Variants in HS6ST2 observed in about 807,000 individuals in gnomAD.
HS6ST2 encodes the protein heparan-sulfate 6-O-sulfotransferase 2.
Under a neutral mutation model 33.0 loss-of-function variants are expected in HS6ST2, and 17 were observed. The ratio of observed to expected loss-of-function variants is 0.52; its 90% CI spans 0.35 to 0.77. HS6ST2 has a LOEUF of 0.77. HS6ST2 is among the 30% of genes least tolerant of loss of function. HS6ST2 has a pLI of 0.01. For synonymous variants in HS6ST2, 248 were observed against 237.1 expected (o/e 1.05, Z -0.42); for missense variants, 519 against 551.7 (o/e 0.94, Z 0.59).
intron 2 of HS6ST2, among the ~76,000 whole-genome samples, chrX:132,728,070 T>C: frequency 8.9e-6 from 1 of 112,119 alleles, no homozygotes; most frequent in Admixed American, 9.4e-5. Context: ...TTGTTTTCAT[T>C]TTTTCACTAT....
chrX:132,917,405 T>A (rs1367917233), intron 2 of HS6ST2, among the ~76,000 whole-genome samples: 3 of 110,180 alleles, frequency 2.7e-5, no homozygotes, highest in Non-Finnish European at 5.7e-5. Context: ...TTGAGACCAG[T>A]TTGGCCAACA....
chrX:132,874,292 T>A (rs1213084017), intron 2 of HS6ST2, among the ~76,000 whole-genome samples: 1 of 112,739 alleles, frequency 8.9e-6, no homozygotes, highest in East Asian at 2.8e-4. Context: ...TTAAAACACC[T>A]TCCGGCTGGG....
At chrX:132,882,572 C>A (rs1474386696) in intron 2 of HS6ST2, among the ~76,000 whole-genome samples, 1 of 105,948 alleles carries the variant, frequency 9.4e-6, no homozygotes, top group African/African-American at 3.5e-5. Flanking sequence ...CATCTGCAAA[C>A]AGGGACAATT....
At chrX:132,750,222 C>T (rs1449326175) in intron 2 of HS6ST2, among the ~76,000 whole-genome samples, 1 of 110,324 alleles carries the variant, frequency 9.1e-6, no homozygotes, top group East Asian at 2.9e-4. Context: ...TTGTAACATT[C>T]TTCTCCAATT....
chrX:132,628,133 C>G lies in HS6ST2; in HGVS notation c.*90G>C. On this transcript the variant is annotated 3_prime_UTR_variant, in exon 5 of 5. Coordinates refer to ENST00000370833, the MANE Select transcript of HS6ST2 (RefSeq NM_001394073.1). ...TTTAAAACTTCCCCAATGAAGGAAG[C>G]AGGATGTGTTTGGACACTTTCATCT... The G allele has an allele frequency of 1.5e-6, 1 of 671,417 alleles. No homozygotes were observed. The highest frequency in any genetic ancestry group is 3.2e-5 in the South Asian group (1 of 31,458). The allele number at this position is 671,417 out of a possible 1,213,427, so 55.3% of individuals were successfully genotyped here. A position where few individuals can be genotyped will look rare whatever the true frequency, so the allele number is the denominator to read the frequency against.
At chrX:132,900,707 A>G (rs926468560) in intron 2 of HS6ST2, among the ~76,000 whole-genome samples, 4 of 111,282 alleles carry the variant, frequency 3.6e-5, no homozygotes, top group Non-Finnish European at 7.5e-5. Flanking sequence ...AAAATGGTAT[A>G]TTATTATTTC....
intron 2 of HS6ST2, among the ~76,000 whole-genome samples, chrX:132,807,180 T>C (rs180882464): frequency 1.8e-5 from 2 of 110,081 alleles, no homozygotes; most frequent in African/African-American, 3.3e-5. Context: ...TCCTTACCAC[T>C]CTCTATAGAA....
intron 2 of HS6ST2, among the ~76,000 whole-genome samples, chrX:132,887,056 A>C (rs1209321033): frequency 1.8e-5 from 2 of 110,062 alleles, no homozygotes; most frequent in Non-Finnish European, 3.8e-5. Flanking sequence ...AATTGCTTGA[A>C]CCTGGGAACA....
intron 2 of HS6ST2, among the ~76,000 whole-genome samples, chrX:132,812,624 A>G (rs1353236700): frequency 9.3e-6 from 1 of 107,661 alleles, no homozygotes; most frequent in African/African-American, 3.4e-5. Context: ...CCCACATTTA[A>G]ATAAAGTAGG....
chrX:132,944,898 A>C (rs2066930965), intron 2 of HS6ST2, among the ~76,000 whole-genome samples: 1 of 111,656 alleles, frequency 9.0e-6, no homozygotes, highest in Non-Finnish European at 1.9e-5. Context: ...AACCATAAAA[A>C]CCCTAGAAGA....
At chrX:132,711,716 C>G (rs1388700865) in intron 2 of HS6ST2, among the ~76,000 whole-genome samples, 1 of 111,892 alleles carries the variant, frequency 8.9e-6, no homozygotes, top group African/African-American at 3.2e-5. Context: ...TCATAATGGC[C>G]AAATTTAAAT....
At chrX:132,721,295 A>T (rs894876204) in intron 2 of HS6ST2, among the ~76,000 whole-genome samples, 2 of 112,252 alleles carry the variant, frequency 1.8e-5, no homozygotes, top group African/African-American at 6.5e-5. Flanking sequence ...AACTACAAAA[A>T]TATATAAAAA....
In HS6ST2 at chrX:132,675,391, G is replaced by A. The variant is rs777583463; in HGVS notation, c.981-6192C>T. ...CCACTCTATGAGGATTTACAACTGC[G>A]TTACAAAGACTTGTATGCCAGAGGT... On this transcript the variant is annotated intron_variant, in intron 3 of 4. Coordinates refer to ENST00000370833, the MANE Select transcript of HS6ST2 (RefSeq NM_001394073.1). Among the ~76,000 whole-genome samples, 8 of 111,917 alleles carry A rather than the reference G, an allele frequency of 7.1e-5. No homozygotes were observed. The South Asian group carries it at 1.5e-3, about 21-fold the overall frequency.
At chrX:132,711,961 G>A (rs2064234434) in intron 2 of HS6ST2, among the ~76,000 whole-genome samples, 1 of 111,829 alleles carries the variant, frequency 8.9e-6, no homozygotes, top group Admixed American at 9.5e-5. Flanking sequence ...CTGTTCAACA[G>A]CAGAGACCTC....
intron 4 of HS6ST2, among the ~76,000 whole-genome samples, chrX:132,646,535 T>TAAA (rs34230779): frequency 1.2e-4 from 8 of 67,225 alleles, no homozygotes; most frequent in South Asian, 8.7e-4. Flanking sequence ...CCCTGTCTCT[T>TAAA]AAAAAAAAAA....
chrX:132,880,563 A>T (rs1228661337), intron 2 of HS6ST2, among the ~76,000 whole-genome samples: 6 of 109,910 alleles, frequency 5.5e-5, no homozygotes, highest in Non-Finnish European at 9.5e-5. Context: ...GGAGAGAAGA[A>T]TCTTATCTGG....
intron 2 of HS6ST2, among the ~76,000 whole-genome samples, chrX:132,779,242 TG>T (rs1264034252): frequency 8.9e-6 from 1 of 111,784 alleles, no homozygotes; most frequent in Non-Finnish European, 1.9e-5. Flanking sequence ...CATACCTCAT[TG>T]ATGATATTTT....
intron 2 of HS6ST2, among the ~76,000 whole-genome samples, chrX:132,882,331 G>C (rs1171938193): frequency 2.7e-5 from 3 of 110,113 alleles, no homozygotes; most frequent in African/African-American, 1.0e-4. Context: ...TCCTTGAAGA[G>C]GTCCTTCACA....
chrX:132,913,669 C>T (rs957596680), intron 2 of HS6ST2, among the ~76,000 whole-genome samples: 2 of 112,261 alleles, frequency 1.8e-5, no homozygotes, highest in Admixed American at 9.4e-5. Flanking sequence ...GCATGGCCAT[C>T]GCTGGCTGCA....
Sources: allele counts gnomAD v4.1 joint callset (sites outside exome capture counted in the v4.1 genomes callset), GRCh38; gene constraint gnomAD v4.1.1; transcripts MANE v1.5; gene names NCBI Gene and HGNC (gene_info 2026-07-23, HGNC 2026-07-21).